Variants in SNTG1 observed in about 807,000 individuals in gnomAD.
SNTG1 encodes syntrophin gamma 1.
Under a neutral mutation model 74.7 loss-of-function variants are expected in SNTG1, and 39 were observed. The ratio of observed to expected loss-of-function variants is 0.52; its 90% CI spans 0.40 to 0.68. The LOEUF is 0.68. Ranked by LOEUF, SNTG1 falls within the 30% of genes least tolerant of loss-of-function variation. SNTG1 has a pLI of 0.00. For missense variants in SNTG1, 685 were observed against 609.5 expected, an observed-to-expected ratio of 1.12 and a Z score of -1.30; for synonymous variants, 254 against 217.1, an observed-to-expected ratio of 1.17 and a Z score of -1.49.
At chr8:50,253,066 C>T (rs1173624575) in intron 2 of SNTG1, among the ~76,000 whole-genome samples, 2 of 152,068 alleles carry the variant, frequency 1.3e-5, no homozygotes, top group African/African-American at 4.8e-5. Context: ...GGAACATTTA[C>T]ACACCGTTGG....
intron 18 of SNTG1, chr8:50,762,698 T>C (rs933987579): frequency 2.7e-5 from 13 of 482,662 alleles, no homozygotes; most frequent in Non-Finnish European, 5.4e-5. Flanking sequence ...GAAGAGACCA[T>C]GGAGATTAGG....
At chr8:50,679,892 G>A (rs2095324342) in intron 15 of SNTG1, among the ~76,000 whole-genome samples, 1 of 152,158 alleles carries the variant, frequency 6.6e-6, no homozygotes, top group Non-Finnish European at 1.5e-5. Flanking sequence ...AAAGGAAATT[G>A]AGAGAGGGTC....
chr8:50,578,008 GA>G (rs1293475065), intron 12 of SNTG1, among the ~76,000 whole-genome samples: 17 of 152,170 alleles, frequency 1.1e-4, no homozygotes, highest in African/African-American at 3.6e-4. Context: ...CAAAGCATTT[GA>G]AAAGATAGAA....
At position 50,123,085 on chromosome 8, in the gene SNTG1, A is replaced by G. The variant is rs2131364534; in HGVS notation, c.-102-49476A>G. Among the ~76,000 whole-genome samples, 2 of 142,284 alleles carry G rather than the reference A, an allele frequency of 1.4e-5. 1 individual carries two copies. The highest frequency in any genetic ancestry group is 5.3e-4 in the South Asian group (2 of 3,804). The allele number at this position is 142,284 out of a possible 152,430, so 93.3% of individuals were successfully genotyped here. A position where few individuals can be genotyped will look rare whatever the true frequency, so the allele number is the denominator to read the frequency against. ...AGGTGAGAGTAGGTCACCAGAGTAC[A>G]AAATCTTAGATGCATTTGAGACATC... On this transcript the variant is annotated intron_variant, in intron 1 of 18. Coordinates refer to ENST00000642720, the MANE Select transcript of SNTG1 (RefSeq NM_018967.5).
At chr8:50,174,004 A>T (rs34722367) in intron 2 of SNTG1, among the ~76,000 whole-genome samples, 1 of 151,750 alleles carries the variant, frequency 6.6e-6, no homozygotes, top group Admixed American at 6.6e-5. Flanking sequence ...CAACTCCCAA[A>T]AGGCCCTGGT....
intron 8 of SNTG1, among the ~76,000 whole-genome samples, chr8:50,478,497 C>T (rs532194456): frequency 6.6e-6 from 1 of 152,274 alleles, no homozygotes; most frequent in Admixed American, 6.5e-5. Flanking sequence ...CTCTGCTAAC[C>T]ACTGAAGCCA....
chr8:50,613,491 A>G (rs893115965), intron 13 of SNTG1, among the ~76,000 whole-genome samples: 2 of 152,226 alleles, frequency 1.3e-5, no homozygotes, highest in African/African-American at 4.8e-5. Flanking sequence ...TGAAGTACAG[A>G]GACAGAATGC....
chr8:50,532,969 T>A (rs2094280920), intron 10 of SNTG1, among the ~76,000 whole-genome samples: 1 of 152,214 alleles, frequency 6.6e-6, no homozygotes, highest in African/African-American at 2.4e-5. Context: ...CCTTACTGTA[T>A]TTTAAGGCAG....
At chr8:50,028,518 TA>T (rs1010331178) in intron 1 of SNTG1, among the ~76,000 whole-genome samples, 23 of 149,312 alleles carry the variant, frequency 1.5e-4, no homozygotes, top group Admixed American at 7.4e-4. Flanking sequence ...GGTGTATCTT[TA>T]AAAAAAAACT....
At chr8:50,491,285 A>G (rs1191912242) in intron 8 of SNTG1, 1 of 152,330 alleles carries the variant, frequency 6.6e-6, no homozygotes, top group Non-Finnish European at 1.5e-5. Context: ...CTTAGAAAGA[A>G]TGACATATTC....
intron 14 of SNTG1, among the ~76,000 whole-genome samples, 159 bp downstream of exon 14, chr8:50,657,184 T>C (rs930697737): frequency 3.3e-5 from 5 of 152,206 alleles, no homozygotes; most frequent in African/African-American, 1.2e-4. Flanking sequence ...AAAATATATA[T>C]TCTGACATTA....
At chr8:50,451,759 TG>T (rs2093459974) in intron 8 of SNTG1, among the ~76,000 whole-genome samples, 1 of 151,902 alleles carries the variant, frequency 6.6e-6, no homozygotes, top group African/African-American at 2.4e-5. Flanking sequence ...GAACTTCTGT[TG>T]GGGGTGGTGA....
chr8:50,759,292 G>C (rs761388982), intron 18 of SNTG1, among the ~76,000 whole-genome samples: 3 of 151,962 alleles, frequency 2.0e-5, no homozygotes, highest in Admixed American at 6.6e-5. Flanking sequence ...CTCTTTTGCT[G>C]TGCAGAAGCT....
At chr8:50,110,815 T>G (rs1271467547) in intron 1 of SNTG1, among the ~76,000 whole-genome samples, 1 of 151,900 alleles carries the variant, frequency 6.6e-6, no homozygotes, top group African/African-American at 2.4e-5. Flanking sequence ...AATTAAAATT[T>G]TATGTACAAA....
chr8:49,995,574 G>T (rs764238404), intron 1 of SNTG1, among the ~76,000 whole-genome samples: 10 of 152,326 alleles, frequency 6.6e-5, no homozygotes, highest in Non-Finnish European at 1.2e-4. Context: ...TGCAGAGCTG[G>T]CAGAGAATTC....
At chr8:50,620,348 G>C (rs1011703339) in intron 13 of SNTG1, among the ~76,000 whole-genome samples, 3 of 152,134 alleles carry the variant, frequency 2.0e-5, no homozygotes, top group African/African-American at 7.2e-5. Flanking sequence ...CCGCTGTGAA[G>C]GGTCTATGTG....
At chr8:50,038,615 G>A (rs988941541) in intron 1 of SNTG1, among the ~76,000 whole-genome samples, 5 of 151,896 alleles carry the variant, frequency 3.3e-5, no homozygotes, top group African/African-American at 2.4e-5. Flanking sequence ...GATGTGAAGG[G>A]TAAAAGAAAA....
chr8:50,599,187 T>C (rs1311257883), intron 13 of SNTG1, among the ~76,000 whole-genome samples: 4 of 152,072 alleles, frequency 2.6e-5, no homozygotes, highest in African/African-American at 7.2e-5. Flanking sequence ...TGTATAAACT[T>C]GTTTCTGGGT....
At chr8:49,988,014 C>T (rs925922166) in intron 1 of SNTG1, among the ~76,000 whole-genome samples, 1 of 152,044 alleles carries the variant, frequency 6.6e-6, no homozygotes, top group Non-Finnish European at 1.5e-5. Context: ...AAGAAAGAGT[C>T]AAAAGAGTTC....
Sources: gnomAD v4.1 joint callset for allele counts (sites outside exome capture counted in the v4.1 genomes callset) on GRCh38, gnomAD v4.1.1 for gene constraint, MANE v1.5 for transcripts, NCBI Gene and HGNC (gene_info 2026-07-23, HGNC 2026-07-21) for gene names.